Variants in FXYD2 observed in about 807,000 individuals in gnomAD.
The protein encoded by FXYD2 is sodium/potassium-transporting ATPase subunit gamma.
A neutral mutation model predicts 11.8 loss-of-function variants in FXYD2; 8 were observed. That is an observed-to-expected ratio of 0.68 (90% CI 0.40 to 1.22). The LOEUF (loss-of-function observed/expected upper bound fraction) is 1.22, where lower values mean the gene tolerates loss of function less well. Among genes scored for constraint, FXYD2 ranks in the 50% most tolerant of loss-of-function variants. FXYD2 has a pLI of 0.01. For synonymous variants in FXYD2, 42 were observed against 33.3 expected (o/e 1.26, Z -0.90); for missense variants, 92 against 91.8 (o/e 1.00, Z -0.01).
Position 117,824,292 on chromosome 11 carries a change from G to A in FXYD2, c.25+362C>T. The A allele has an allele frequency of 2.4e-6, 1 of 414,306 alleles. No homozygotes were observed. The highest frequency in any genetic ancestry group is 4.5e-6 in the Non-Finnish European group (1 of 222,568). The allele number at this position is 414,306 out of a possible 1,614,324, so 25.7% of individuals were successfully genotyped here. A position where few individuals can be genotyped will look rare whatever the true frequency, so the allele number is the denominator to read the frequency against. On this transcript the variant is annotated intron_variant, in intron 1 of 5. Transcript: ENST00000292079. This position sits in a 1 kb window ranked among gnomAD's most constrained non-coding sequence, Gnocchi z 4.0. The stretch of plus-strand genomic sequence containing the variant: ...CAGCCTAGGAAGGCTGACCAGAGGG[G>A]CCTGCTCCTTCCCCAGCCAGATGGA...
chr11:117,823,771 G>A (rs1002799052), intron 1 of FXYD2, among the ~76,000 whole-genome samples: 3 of 152,212 alleles, frequency 2.0e-5, no homozygotes, highest in African/African-American at 7.2e-5. Flanking sequence ...AGCACTTTCC[G>A]GGCTGTGCCA....
intron 3 of FXYD2, chr11:117,821,209 A>C: frequency 5.3e-6 from 2 of 378,896 alleles, no homozygotes; most frequent in South Asian, 9.2e-5. Context: ...GGTACATGTC[A>C]CCATGCCCAG....
At chr11:117,821,353 G>A (rs556530539) in intron 3 of FXYD2, 45 of 989,032 alleles carry the variant, frequency 4.5e-5, no homozygotes, top group African/African-American at 7.0e-5. Context: ...GAGCCACCAC[G>A]CCCAGCCTTC....
chr11:117,822,281 CA>C lies in FXYD2; in HGVS notation c.139+124del. 1 of 1,540,884 alleles carries C rather than the reference CA, an allele frequency of 6.5e-7. No homozygotes were observed. Among genetic ancestry groups the C allele is most frequent in the South Asian group, 1.2e-5 (1 of 83,486 alleles). On this transcript the variant is annotated intron_variant, in intron 3 of 5. Transcript: ENST00000292079. The surrounding 1 kb of genome is among the most constrained non-coding windows in gnomAD (Gnocchi z 4.7). ...ACCGGGCACCCATTCCCACATCCTGCAGTGGGGGGCGTGGTGGGGAGGCTCA... is the reference window on the plus strand; with the variant it reads ...ACCGGGCACCCATTCCCACATCCTGCGTGGGGGGCGTGGTGGGGAGGCTCA...
chr11:117,823,017 A>T lies in FXYD2; in HGVS notation c.26-300T>A, dbSNP rs41302381. On this transcript the variant is annotated intron_variant, in intron 1 of 5. Transcript: ENST00000292079. ...CCTGCTCCTTGATTCCTACCATGGT[A>T]GAAAAGGCCAGGAGAAGCCTCTCCC... Among the ~76,000 whole-genome samples the T allele has an allele frequency of 2.4e-3, 368 of 152,310 alleles. 1 individual carries two copies. Among genetic ancestry groups the T allele is most frequent in the Admixed American group, 4.6e-3 (71 of 15,302 alleles).
At position 117,822,234 on chromosome 11, in the gene FXYD2, C is replaced by T; in HGVS notation, c.139+172G>A. ...GAGCAAGCAGGAACCTCACACTGTG[C>T]TCCCAGCGAGCCTGGCACCCCACCG... On this transcript the variant is annotated intron_variant, in intron 3 of 5. Coordinates refer to ENST00000292079, the MANE Select transcript of FXYD2 (RefSeq NM_001680.5). This position sits in a 1 kb window ranked among gnomAD's most constrained non-coding sequence, Gnocchi z 4.7. 6.7e-7 allele frequency: 1 copy of T among 1,503,414 alleles called. No individual in the cohort carries two copies. Among genetic ancestry groups the T allele is most frequent in the Non-Finnish European group, 8.9e-7 (1 of 1,126,864 alleles). The allele number at this position is 1,503,414 out of a possible 1,614,324, so 93.1% of individuals were successfully genotyped here. A position where few individuals can be genotyped will look rare whatever the true frequency, so the allele number is the denominator to read the frequency against.
chr11:117,821,321 A>G, intron 3 of FXYD2: 3 of 978,382 alleles, frequency 3.1e-6, no homozygotes, highest in Non-Finnish European at 3.6e-6. Context: ...TTGGCCTCCT[A>G]ATATGCCGGC....
chr11:117,824,609 C>T lies in FXYD2; in HGVS notation c.25+45G>A, dbSNP rs1201866562. ...CCCACAAAGGCAGGCCAATCAGAGC[C>T]ACCCAGCATTGCACACGCCCGGGCA... On this transcript the variant is annotated intron_variant, in intron 1 of 5. Coordinates refer to ENST00000292079, the MANE Select transcript of FXYD2 (RefSeq NM_001680.5). The surrounding 1 kb of genome is among the most constrained non-coding windows in gnomAD (Gnocchi z 4.0). 3 of 1,523,654 alleles carry T rather than the reference C, an allele frequency of 2.0e-6. No individual in the cohort carries two copies. The highest frequency in any genetic ancestry group is 3.4e-4 in the Middle Eastern group (2 of 5,900). The allele number at this position is 1,523,654 out of a possible 1,614,324, so 94.4% of individuals were successfully genotyped here.
At chr11:117,826,766 GTCTGTCTGTCTGTCTATCTA>G (rs1289186530), upstream of FXYD2, among the ~76,000 whole-genome samples, 22 of 107,090 alleles carry the variant, frequency 2.1e-4, no homozygotes, top group African/African-American at 6.1e-4. Context: ...CTGTCTGTCT[GTCTGTCTGTCTGTCTATCTA>G]TCTATCTATC....
At chr11:117,823,945 A>T (rs1224412274) in intron 1 of FXYD2, among the ~76,000 whole-genome samples, 1 of 152,228 alleles carries the variant, frequency 6.6e-6, no homozygotes, top group Admixed American at 6.5e-5. Context: ...CCCAGGTCCC[A>T]CACAGAAGGC....
chr11:117,823,185 GT>G, intron 1 of FXYD2, among the ~76,000 whole-genome samples: 1 of 152,244 alleles, frequency 6.6e-6, no homozygotes, highest in Non-Finnish European at 1.5e-5. Flanking sequence ...GTGTAGACTT[GT>G]TCAAAGTCCT....
In FXYD2 at chr11:117,822,827, G is replaced by A. The variant is rs989836044; in HGVS notation, c.26-110C>T. ...TCCCAGAGGACCCTCGAGGGTCCAA[G>A]CAGGCGAGGGGAGGCTGGGAGCAGG... On this transcript the variant is annotated intron_variant, in intron 1 of 5. Transcript: ENST00000292079. The surrounding 1 kb of genome is among the most constrained non-coding windows in gnomAD (Gnocchi z 4.7). The A allele has an allele frequency of 3.9e-5, 55 of 1,421,712 alleles. No individual in the cohort carries two copies. The highest frequency in any genetic ancestry group is 5.0e-5 in the Non-Finnish European group (52 of 1,037,080). 88.1% of individuals were successfully genotyped at this position (1,421,712 alleles called of 1,614,324 possible). A position where few individuals can be genotyped will look rare whatever the true frequency, so the allele number is the denominator to read the frequency against.
Position 117,822,203 on chromosome 11 carries a change from G to A in FXYD2, c.139+203C>T. On this transcript the variant is annotated intron_variant, in intron 3 of 5. Coordinates refer to ENST00000292079, the MANE Select transcript of FXYD2 (RefSeq NM_001680.5). The surrounding 1 kb of genome is among the most constrained non-coding windows in gnomAD (Gnocchi z 4.7). ...GCTCCTCCCGGGCCCACTGGAGGGT[G>A]CACTTGAGCAAGCAGGAACCTCACA... The A allele has an allele frequency of 6.8e-7, 1 of 1,467,222 alleles. No individual in the cohort carries two copies. The highest frequency in any genetic ancestry group is 9.0e-7 in the Non-Finnish European group (1 of 1,108,244). The allele number at this position is 1,467,222 out of a possible 1,614,324, so 90.9% of individuals were successfully genotyped here. A position where few individuals can be genotyped will look rare whatever the true frequency, so the allele number is the denominator to read the frequency against.
At position 117,824,687 on chromosome 11, in the gene FXYD2, G is replaced by T; in HGVS notation, c.-9C>A. 1 of 1,613,972 alleles carries T rather than the reference G, an allele frequency of 6.2e-7. No homozygotes were observed. The highest frequency in any genetic ancestry group is 1.3e-5 in the African/African-American group (1 of 74,992). ...ATCGACAACCCAGTCATTTCCCCAG[G>T]TGAATGGGCTGCCTCCACTCCCCTC... On this transcript the variant is annotated 5_prime_UTR_variant, in exon 1 of 6. Coordinates refer to ENST00000292079, the MANE Select transcript of FXYD2 (RefSeq NM_001680.5). The surrounding 1 kb of genome is among the most constrained non-coding windows in gnomAD (Gnocchi z 4.0).
At chr11:117,823,590 G>T (rs1004446917) in intron 1 of FXYD2, among the ~76,000 whole-genome samples, 1 of 152,216 alleles carries the variant, frequency 6.6e-6, no homozygotes, top group African/African-American at 2.4e-5. Context: ...CGCTCAGCAG[G>T]CAGGTCTCAC....
chr11:117,822,669 C>A lies in FXYD2; in HGVS notation c.64+10G>T, dbSNP rs1275586604. 18 of 1,609,068 alleles carry A rather than the reference C, an allele frequency of 1.1e-5. No individual in the cohort carries two copies. The highest frequency in any genetic ancestry group is 1.4e-5 in the Non-Finnish European group (16 of 1,178,582). On this transcript the variant is annotated intron_variant, in intron 2 of 5. Coordinates refer to ENST00000292079, the MANE Select transcript of FXYD2 (RefSeq NM_001680.5). This position sits in a 1 kb window ranked among gnomAD's most constrained non-coding sequence, Gnocchi z 4.7. ...GGGCTCAGGAAGGGTGCGCAGGGGC[C>A]CAGGCTTACCATAGTAGAACGGGTC...
Position 117,824,321 on chromosome 11 carries a change from C to T in FXYD2, c.25+333G>A. On this transcript the variant is annotated intron_variant, in intron 1 of 5. Coordinates refer to ENST00000292079, the MANE Select transcript of FXYD2 (RefSeq NM_001680.5). This position sits in a 1 kb window ranked among gnomAD's most constrained non-coding sequence, Gnocchi z 4.0. ...GCTCCTTCCCCAGCCAGATGGACGC[C>T]GTCTGCCTCCCGCCCAAGTTCAGAC... The T allele has an allele frequency of 1.5e-5, 7 of 460,072 alleles. No homozygotes were observed. Among genetic ancestry groups the T allele is most frequent in the South Asian group, 2.4e-5 (1 of 41,498 alleles). 28.5% of individuals were successfully genotyped at this position (460,072 alleles called of 1,614,324 possible).
chr11:117,822,598 G>A lies in FXYD2; in HGVS notation c.64+81C>T. 1.3e-6 allele frequency: 2 copies of A among 1,577,996 alleles called. No individual in the cohort carries two copies. The highest frequency in any genetic ancestry group is 1.7e-6 in the Non-Finnish European group (2 of 1,162,464). ...AGGGGAGATAAGGGGCACAGAGCAT[G>A]GACCTGGGGCTGGGAGAGGCCGCTG... On this transcript the variant is annotated intron_variant, in intron 2 of 5. Transcript: ENST00000292079. This position sits in a 1 kb window ranked among gnomAD's most constrained non-coding sequence, Gnocchi z 4.7.
In FXYD2 at chr11:117,822,833, G is replaced by A. The variant is rs1157234648; in HGVS notation, c.26-116C>T. The A allele has an allele frequency of 4.5e-5, 63 of 1,405,688 alleles. No homozygotes were observed. The highest frequency in any genetic ancestry group is 7.4e-5 in the South Asian group (6 of 81,570). The allele number at this position is 1,405,688 out of a possible 1,614,324, so 87.1% of individuals were successfully genotyped here. A position where few individuals can be genotyped will look rare whatever the true frequency, so the allele number is the denominator to read the frequency against. ...AGGACCCTCGAGGGTCCAAGCAGGC[G>A]AGGGGAGGCTGGGAGCAGGGGTGTT... On this transcript the variant is annotated intron_variant, in intron 1 of 5. Transcript: ENST00000292079. The surrounding 1 kb of genome is among the most constrained non-coding windows in gnomAD (Gnocchi z 4.7).
Sources: allele counts gnomAD v4.1 joint callset (sites outside exome capture counted in the v4.1 genomes callset), GRCh38; gene constraint gnomAD v4.1.1; non-coding constraint Gnocchi (gnomAD v3.1); transcripts MANE v1.5; gene names NCBI Gene and HGNC (gene_info 2026-07-23, HGNC 2026-07-21).